The following LSAMP variants were observed in gnomAD, a reference collection of about 807,000 sequenced individuals.
The protein encoded by LSAMP is limbic system associated membrane protein, also known as limbic system-associated membrane protein.
LSAMP carries 7 observed loss-of-function variants against 38.6 expected under a neutral mutation model. The ratio of observed to expected loss-of-function variants is 0.18; its 90% confidence interval spans 0.10 to 0.34. The LOEUF (loss-of-function observed/expected upper bound fraction) is 0.34. Ranked by LOEUF, LSAMP falls within the 10% of genes least tolerant of loss-of-function variation. LSAMP has a pLI of 1.00. For synonymous variants in LSAMP, 154 were observed against 166.8 expected (o/e 0.92, Z 0.59); for missense variants, 313 against 420.0 (o/e 0.75, Z 2.23).
At chr3:115,890,456 A>T (rs1478582583) in intron 3 of LSAMP, among the ~76,000 whole-genome samples, 1 of 151,958 alleles carries the variant, frequency 6.6e-6, no homozygotes, top group Admixed American at 6.6e-5. Context: ...AGCCTCTCTT[A>T]CAGACCACAT....
intron 1 of LSAMP, among the ~76,000 whole-genome samples, chr3:116,431,960 G>A (rs2049287010): frequency 6.6e-6 from 1 of 152,060 alleles, no homozygotes; most frequent in Non-Finnish European, 1.5e-5. Flanking sequence ...GAAAAAGAAA[G>A]TGTTAGATTT....
At chr3:115,952,844 G>GA (rs1340383104) in intron 3 of LSAMP, among the ~76,000 whole-genome samples, 5 of 152,004 alleles carry the variant, frequency 3.3e-5, no homozygotes, top group Admixed American at 6.6e-5. Flanking sequence ...AGAACAACAG[G>GA]AAAAAAATCA....
At chr3:115,967,640 G>C (rs1178445547) in intron 3 of LSAMP, among the ~76,000 whole-genome samples, 2 of 152,156 alleles carry the variant, frequency 1.3e-5, no homozygotes, top group Admixed American at 1.3e-4. Flanking sequence ...AGGTTTAATG[G>C]ATTTATATTT....
intron 1 of LSAMP, among the ~76,000 whole-genome samples, chr3:116,130,826 A>G (rs1576382188): frequency 6.6e-6 from 1 of 152,050 alleles, no homozygotes; most frequent in Non-Finnish European, 1.5e-5. Flanking sequence ...TCATATCTAT[A>G]TAGATATTTT....
At chr3:115,951,989 G>A (rs4408868) in intron 3 of LSAMP, among the ~76,000 whole-genome samples, 25,523 of 152,050 alleles carry the variant, frequency 0.17, 2,599 homozygotes, top group Admixed American at 0.23. Flanking sequence ...AATTATGAGG[G>A]AAATGCCAGT....
chr3:115,924,719 A>T (rs929535226), intron 3 of LSAMP, among the ~76,000 whole-genome samples: 2 of 152,202 alleles, frequency 1.3e-5, no homozygotes, highest in Non-Finnish European at 2.9e-5. Context: ...CAATATGCTT[A>T]AAAATACCTA....
intron 1 of LSAMP, among the ~76,000 whole-genome samples, chr3:116,131,334 C>T (rs1709128850): frequency 6.6e-6 from 1 of 151,938 alleles, no homozygotes; most frequent in Non-Finnish European, 1.5e-5. Flanking sequence ...GTAGGTTGGC[C>T]GAAAACTTGC....
rs117767819 is a variant in LSAMP at position 116,197,838 on chromosome 3, A to G, written c.156-111282T>C. Reference sequence around the variant, plus strand: ...ATACAGTTCAGTAGTGGGCAAACACATTTATGGACAACTTTATTATAATAG... The same window carrying G: ...ATACAGTTCAGTAGTGGGCAAACACGTTTATGGACAACTTTATTATAATAG... On this transcript the variant is annotated intron_variant, in intron 1 of 6. Coordinates refer to ENST00000490035, the MANE Select transcript of LSAMP (RefSeq NM_002338.5). 7.6e-4 allele frequency among the ~76,000 whole-genome samples: 116 copies of G among 152,280 alleles called. No homozygotes were observed. The East Asian group carries it at 0.022, about 28-fold the overall frequency.
At chr3:115,978,826 A>G (rs1939269140) in intron 3 of LSAMP, among the ~76,000 whole-genome samples, 4 of 152,136 alleles carry the variant, frequency 2.6e-5, no homozygotes, top group Admixed American at 2.6e-4. Flanking sequence ...ACCATGATAA[A>G]AGGAGAATTA....
intron 3 of LSAMP, among the ~76,000 whole-genome samples, chr3:115,878,271 G>A (rs1342803984): frequency 6.6e-6 from 1 of 151,856 alleles, no homozygotes; most frequent in Non-Finnish European, 1.5e-5. Flanking sequence ...GTGAAGGAGG[G>A]CACTTTGTAC....
intron 1 of LSAMP, among the ~76,000 whole-genome samples, chr3:116,401,428 C>T (rs572240353): frequency 5.3e-5 from 8 of 152,168 alleles, no homozygotes; most frequent in Non-Finnish European, 1.2e-4. Context: ...ACTACAGGCA[C>T]ATGCCATCAT....
chr3:116,427,973 A>T (rs114383931), intron 1 of LSAMP, among the ~76,000 whole-genome samples: 2,391 of 152,272 alleles, frequency 0.016, 73 homozygotes, highest in African/African-American at 0.055. Flanking sequence ...TTCAAACTCA[A>T]TTTAGTCAAT....
chr3:116,130,851 C>A (rs2107501550), intron 1 of LSAMP, among the ~76,000 whole-genome samples: 1 of 152,078 alleles, frequency 6.6e-6, no homozygotes, highest in South Asian at 2.1e-4. Context: ...CCCCCTTTTC[C>A]TCTCTTTTCC....
intron 3 of LSAMP, among the ~76,000 whole-genome samples, chr3:115,957,572 TATG>T (rs1207569043): frequency 1.3e-5 from 2 of 152,180 alleles, no homozygotes; most frequent in African/African-American, 4.8e-5. Context: ...TCTTGCTATC[TATG>T]ATAAGTATGT....
intron 1 of LSAMP, among the ~76,000 whole-genome samples, chr3:116,403,999 A>T (rs2048872880): frequency 6.6e-6 from 1 of 151,944 alleles, no homozygotes; most frequent in Non-Finnish European, 1.5e-5. Flanking sequence ...CCTTACCTCA[A>T]GCAATCCTCC....
At chr3:115,910,667 G>C (rs1192485108) in intron 3 of LSAMP, among the ~76,000 whole-genome samples, 1 of 152,182 alleles carries the variant, frequency 6.6e-6, no homozygotes, top group East Asian at 1.9e-4. Context: ...CCTGCATATT[G>C]TTCTTTTATA....
rs747030687 is a variant in LSAMP at position 115,829,026 on chromosome 3, T to C, written c.919+12819A>G. Among the ~76,000 whole-genome samples the C allele has an allele frequency of 5.9e-4, 90 of 152,182 alleles. 1 individual carries two copies. The highest frequency in any genetic ancestry group is 8.5e-4 in the Non-Finnish European group (58 of 68,028). ...CTATCTTTAAATTGACTCTGTAGGATTTTTAGTCATTTAGCTTGAAGCTAA... is the reference window on the plus strand; with the variant it reads ...CTATCTTTAAATTGACTCTGTAGGACTTTTAGTCATTTAGCTTGAAGCTAA... On this transcript the variant is annotated intron_variant, in intron 6 of 6. Coordinates refer to ENST00000490035, the MANE Select transcript of LSAMP (RefSeq NM_002338.5).
chr3:115,814,019 A>G (rs1385711986), intron 6 of LSAMP: 2 of 152,222 alleles, frequency 1.3e-5, no homozygotes, highest in African/African-American at 4.8e-5. Context: ...ATTATATTTT[A>G]GTATCCAATC....
At chr3:116,197,622 T>C (rs1710923814) in intron 1 of LSAMP, among the ~76,000 whole-genome samples, 1 of 152,218 alleles carries the variant, frequency 6.6e-6, no homozygotes, top group South Asian at 2.1e-4. Flanking sequence ...TTCTTGTCAT[T>C]ATAATCTTAA....
Sources: allele counts gnomAD v4.1 joint callset (sites outside exome capture counted in the v4.1 genomes callset), GRCh38; gene constraint gnomAD v4.1.1; transcripts MANE v1.5; gene names NCBI Gene and HGNC (gene_info 2026-07-23, HGNC 2026-07-21).